The following PHB2 variants were observed in gnomAD, a reference collection of about 807,000 sequenced individuals.
PHB2 encodes the protein prohibitin 2, also known as prohibitin-2.
A neutral mutation model predicts 46.4 loss-of-function variants in PHB2; 22 were observed. The ratio of observed to expected loss-of-function variants is 0.47; its 90% CI spans 0.34 to 0.68. The LOEUF (loss-of-function observed/expected upper bound fraction) is 0.68. PHB2 is among the 30% of genes least tolerant of loss of function. The pLI is 0.01. For synonymous variants in PHB2, 156 were observed against 150.5 expected (o/e 1.04, Z -0.27); for missense variants, 305 against 382.8 (o/e 0.80, Z 1.70).
Position 6,967,941 on chromosome 12 carries a change from C to T in PHB2, c.558G>A (p.Glu186=), listed in dbSNP as rs1946243922. 6.2e-7 allele frequency: 1 copy of T among 1,613,914 alleles called. No homozygotes were observed. Among genetic ancestry groups the T allele is most frequent in the African/African-American group, 1.3e-5 (1 of 75,064 alleles). Reference sequence around the variant, plus strand: ...CTGTGTACTCTCGGCTAAAGCTCAGCTCTGTGATGGCCACATCATCCAGGA... The same window carrying T: ...CTGTGTACTCTCGGCTAAAGCTCAGTTCTGTGATGGCCACATCATCCAGGA... ...SLILDDVAIT[E]LSFSREYTAA... The change falls in exon 5 of 10, where the codon GAG becomes GAA. Residue 186 remains glutamate (E), a synonymous_variant. Transcript: ENST00000535923. The surrounding 1 kb of genome is among the most constrained non-coding windows in gnomAD (Gnocchi z 4.9).
At position 6,969,664 on chromosome 12, in the gene PHB2, C is replaced by T. The variant is rs753895435; in HGVS notation, c.213-87G>A. The T allele has an allele frequency of 5.6e-6, 4 of 715,368 alleles. No individual in the cohort carries two copies. The African/African-American group carries it at 7.1e-5, about 13-fold the overall frequency. The allele number at this position is 715,368 out of a possible 1,614,324, so 44.3% of individuals were successfully genotyped here. A position where few individuals can be genotyped will look rare whatever the true frequency, so the allele number is the denominator to read the frequency against. Reference sequence around the variant, plus strand: ...CCTGTAATCCCAGCACTTTGGGAGGCCGAGGCGGGCGGATCATTTGAGGTC... The same window carrying T: ...CCTGTAATCCCAGCACTTTGGGAGGTCGAGGCGGGCGGATCATTTGAGGTC... On this transcript the variant is annotated intron_variant, in intron 2 of 9. Transcript: ENST00000535923.
rs1400112691 is a variant in PHB2 at position 6,969,887 on chromosome 12, A to G, written c.212+309T>C. 10 of 593,052 alleles carry G rather than the reference A, an allele frequency of 1.7e-5. No homozygotes were observed. In the Admixed American group the frequency reaches 1.7e-4, roughly 10 times the overall value. The allele number at this position is 593,052 out of a possible 1,614,324, so 36.7% of individuals were successfully genotyped here. ...GCACTCCAGCCTGGGCGACAGAGCA[A>G]GACTCCCTCTCCAAAAAAAAAAAAA... On this transcript the variant is annotated intron_variant, in intron 2 of 9. Coordinates refer to ENST00000535923, the MANE Select transcript of PHB2 (RefSeq NM_001144831.2).
At position 6,967,261 on chromosome 12, in the gene PHB2, A is replaced by C. The variant is rs1555150925; in HGVS notation, c.712-13T>G. The C allele has an allele frequency of 6.2e-7, 1 of 1,613,714 alleles. No individual in the cohort carries two copies. On this transcript the variant is annotated splice_polypyrimidine_tract_variant and intron_variant, in intron 6 of 9. Transcript: ENST00000535923. This position sits in a 1 kb window ranked among gnomAD's most constrained non-coding sequence, Gnocchi z 4.9. ...GTGCTTCTCCAAGGTGAGGAGGGTT[A>C]AGGTACACGCAAGGGCAGGTCTCAA...
Position 6,967,090 on chromosome 12 carries a change from A to G in PHB2, c.789+81T>C. ...TAGAAACCGGAACAAGCAAGGTTCG[A>G]ATTCCCTCACCTCAATGTGCCTTAA... On this transcript the variant is annotated intron_variant, in intron 7 of 9. Coordinates refer to ENST00000535923, the MANE Select transcript of PHB2 (RefSeq NM_001144831.2). The surrounding 1 kb of genome is among the most constrained non-coding windows in gnomAD (Gnocchi z 4.9). The G allele has an allele frequency of 5.1e-6, 6 of 1,170,050 alleles. No homozygotes were observed. Among genetic ancestry groups the G allele is most frequent in the Non-Finnish European group, 6.2e-6 (5 of 803,142 alleles). 72.5% of individuals were successfully genotyped at this position (1,170,050 alleles called of 1,614,324 possible).
intron 4 of PHB2, 111 bp from the exon 5 acceptor site, chr12:6,968,132 T>A: frequency 1.0e-6 from 1 of 996,856 alleles, no homozygotes; most frequent in Non-Finnish European, 1.5e-6. Flanking sequence ...TGCACTGCCT[T>A]AGCTTCCTGT....
chr12:6,970,086 G>C (rs782408304), intron 2 of PHB2, 110 bp downstream of exon 2: 20 of 841,930 alleles, frequency 2.4e-5, no homozygotes, highest in Non-Finnish European at 3.5e-5. Flanking sequence ...CAGGGATGAG[G>C]AGGGTGGGAA....
rs1946212207 is a variant in PHB2 at position 6,966,450 on chromosome 12, C to A, written c.840G>T (p.Leu280=). The change falls in exon 8 of 10, where the codon CTG becomes CTT. Residue 280 remains leucine, a synonymous_variant. Coordinates refer to ENST00000535923, the MANE Select transcript of PHB2 (RefSeq NM_001144831.2). ...TGGTGAAACTTTCATCCTGTAGGTT[C>A]AGCACAAGGTTGTCAGCTGTGAGAT... ...RIYLTADNLV[L]NLQDESFTRG... is the part of the protein sequence containing the mutation. 6.2e-7 allele frequency: 1 copy of A among 1,610,408 alleles called. No homozygotes were observed. The highest frequency in any genetic ancestry group is 8.5e-7 in the Non-Finnish European group (1 of 1,176,658).
At chr12:6,966,633 T>C in intron 7 of PHB2, 133 bp from the exon 8 acceptor site, 1 of 690,974 alleles carries the variant, frequency 1.4e-6, no homozygotes, top group South Asian at 1.6e-5. Context: ...AACACATGGT[T>C]TCTGCTCGCA....
In PHB2 at chr12:6,966,518, A is replaced by G; in HGVS notation, c.790-18T>C. The G allele has an allele frequency of 6.5e-7, 1 of 1,535,280 alleles. No individual in the cohort carries two copies. Among genetic ancestry groups the G allele is most frequent in the Non-Finnish European group, 9.0e-7 (1 of 1,108,054 alleles). ...GTGGCGATCTACAGGGCAGGAAATA[A>G]GACAGATGCTTGCATTAAGCAAAGA... On this transcript the variant is annotated intron_variant, in intron 7 of 9. Transcript: ENST00000535923.
In PHB2 at chr12:6,967,186, C is replaced by A. The variant is rs1209332466; in HGVS notation, c.774G>T (p.Gln258His). The A allele has an allele frequency of 6.3e-7, 1 of 1,583,666 alleles. No individual in the cohort carries two copies. The highest frequency in any genetic ancestry group is 1.8e-5 in the Admixed American group (1 of 54,688). ...YIKLRKIRAA[Q>H]NISKTIATSQ... ...ACACACTCACCGTCTTGGAGATATTCTGGGCTGCTCGAATCTTGCGAAGTT... is the reference window on the plus strand; with the variant it reads ...ACACACTCACCGTCTTGGAGATATTATGGGCTGCTCGAATCTTGCGAAGTT... Residue 258 changes from glutamine to histidine, a missense_variant, in exon 7 of 10, where the codon CAG becomes CAT. By Grantham distance (24) the Gln-to-His change is conservative. Coordinates refer to ENST00000535923, the MANE Select transcript of PHB2 (RefSeq NM_001144831.2). The surrounding 1 kb of genome is among the most constrained non-coding windows in gnomAD (Gnocchi z 4.9).
rs782247028 is a variant in PHB2 at position 6,967,657 on chromosome 12, C to A, written c.711+19G>T. On this transcript the variant is annotated intron_variant, in intron 6 of 9. Transcript: ENST00000535923. The surrounding 1 kb of genome is among the most constrained non-coding windows in gnomAD (Gnocchi z 4.9). ...GGTGCCCTAGGGGCTGGGCTGAGATCTCTCCAGCAGAAGGATATCATCTTG... is the reference window on the plus strand; with the variant it reads ...GGTGCCCTAGGGGCTGGGCTGAGATATCTCCAGCAGAAGGATATCATCTTG... 11 of 1,592,232 alleles carry A rather than the reference C, an allele frequency of 6.9e-6. No homozygotes were observed. The highest frequency in any genetic ancestry group is 1.3e-5 in the African/African-American group (1 of 74,514).
In PHB2 at chr12:6,968,731, G is replaced by C. The variant is rs782109218; in HGVS notation, c.293-136C>G. On this transcript the variant is annotated intron_variant, in intron 3 of 9. Transcript: ENST00000535923. ...ACCCTGGGGGGAGGAGAGTTAATCA[G>C]GCTGACAAGGAAGACAAGACGCAGC... The C allele has an allele frequency of 2.0e-5, 15 of 734,306 alleles. No individual in the cohort carries two copies. The East Asian group carries it at 4.1e-4, about 20-fold the overall frequency. 45.5% of individuals were successfully genotyped at this position (734,306 alleles called of 1,614,324 possible).
At position 6,967,192 on chromosome 12, in the gene PHB2, T is replaced by G. The variant is rs1946227607; in HGVS notation, c.768A>C (p.Ala256=). ...PGYIKLRKIR[A]AQNISKTIAT... ...TCACCGTCTTGGAGATATTCTGGGC[T>G]GCTCGAATCTTGCGAAGTTTGATGT... Residue 256 remains alanine (A), a synonymous_variant, in exon 7 of 10, where the codon GCA becomes GCC. Transcript: ENST00000535923. This position sits in a 1 kb window ranked among gnomAD's most constrained non-coding sequence, Gnocchi z 4.9. 1 of 1,590,628 alleles carries G rather than the reference T, an allele frequency of 6.3e-7. No individual in the cohort carries two copies. The highest frequency in any genetic ancestry group is 1.1e-5 in the South Asian group (1 of 88,190).
Position 6,970,579 on chromosome 12 carries a change from A to T in PHB2, c.-36T>A, listed in dbSNP as rs1555151969. ...GAGGCCGGCGGCACTGGAGGTCAGA[A>T]GGGGGTGCCGGCCCGCCTCTACCCC... On this transcript the variant is annotated 5_prime_UTR_variant, in exon 1 of 10. Coordinates refer to ENST00000535923, the MANE Select transcript of PHB2 (RefSeq NM_001144831.2). The T allele has an allele frequency of 6.4e-6, 10 of 1,551,068 alleles. No homozygotes were observed. In the Admixed American group the frequency reaches 1.8e-4, roughly 27 times the overall value.
chr12:6,969,701 A>G (rs1317148910), intron 2 of PHB2, 124 bp from the exon 3 acceptor site: 17 of 623,936 alleles, frequency 2.7e-5, no homozygotes, highest in Non-Finnish European at 4.4e-5. Flanking sequence ...GGAGTTCGAG[A>G]CCAGCTTGAT....
chr12:6,968,983 T>C (rs1946264543), intron 3 of PHB2, among the ~76,000 whole-genome samples: 1 of 152,290 alleles, frequency 6.6e-6, no homozygotes, highest in African/African-American at 2.4e-5. Context: ...CGACCTGCAC[T>C]AGGTATAGCA....
In PHB2 at chr12:6,970,504, C is replaced by T. The variant is rs1565591977; in HGVS notation, c.40G>A (p.Ala14Thr). The change falls in exon 1 of 10, where the codon GCC becomes ACC. Residue 14 changes from alanine to threonine, a missense_variant. Ala to Thr is a moderately conservative substitution (Grantham distance 58). Around this residue, in one of 3 missense-constraint regions of PHB2, gnomAD observed 60 missense variants for 61.0 expected, o/e 0.98. Transcript: ENST00000535923. ...NLKDLAGRLP[A>T]GPRGMGTALK... The stretch of plus-strand genomic sequence containing the variant: ...GCCGTGCCCATGCCCCGGGGCCCGG[C>T]GGGCAGCCGTCCCGCCAAGTCCTTC... 1.9e-6 allele frequency: 3 copies of T among 1,604,620 alleles called. No individual in the cohort carries two copies. Among genetic ancestry groups the T allele is most frequent in the East Asian group, 4.5e-5 (2 of 44,796 alleles).
chr12:6,965,823 C>G, intron 9 of PHB2, 88 bp downstream of exon 9: 1 of 1,573,780 alleles, frequency 6.4e-7, no homozygotes. Flanking sequence ...GAGGGTTTGT[C>G]TTCGGGGAGG....
At position 6,968,591 on chromosome 12, in the gene PHB2, T is replaced by C; in HGVS notation, c.297A>G (p.Leu99=). ...CTCGCAGGGAGATATTCACCATCTGTAGGTCTGAGATTGAGGTCAGCAGTG... is the reference window on the plus strand; with the variant it reads ...CTCGCAGGGAGATATTCACCATCTGCAGGTCTGAGATTGAGGTCAGCAGTG... ...KISSPTGSKD[L]QMVNISLRVL... is the part of the protein sequence containing the mutation. Residue 99 remains leucine, a synonymous_variant, in exon 4 of 10, where the codon CTA becomes CTG. Coordinates refer to ENST00000535923, the MANE Select transcript of PHB2 (RefSeq NM_001144831.2). 1.2e-6 allele frequency: 2 copies of C among 1,613,374 alleles called. No homozygotes were observed. Among genetic ancestry groups the C allele is most frequent in the Non-Finnish European group, 1.7e-6 (2 of 1,179,598 alleles).
Sources: allele counts gnomAD v4.1 joint callset (sites outside exome capture counted in the v4.1 genomes callset), GRCh38; gene constraint gnomAD v4.1.1; regional missense constraint gnomAD v4.1.1; non-coding constraint Gnocchi (gnomAD v3.1); transcripts MANE v1.5; gene names NCBI Gene and HGNC (gene_info 2026-07-23, HGNC 2026-07-21).